CAMKK2: variants seen among roughly 807,000 people sequenced by gnomAD.
CAMKK2 encodes calcium/calmodulin dependent protein kinase kinase 2.
A neutral mutation model predicts 67.2 loss-of-function variants in CAMKK2; 30 were observed. The observed-to-expected ratio is 0.45, with a 90% CI of 0.33 to 0.61. The LOEUF (loss-of-function observed/expected upper bound fraction) is 0.61. CAMKK2 is among the 20% of genes least tolerant of loss of function. The pLI, the probability that CAMKK2 is intolerant of heterozygous loss-of-function variation, is 0.02. For synonymous variants in CAMKK2, 322 were observed against 326.2 expected, an observed-to-expected ratio of 0.99 and a Z score of 0.14; for missense variants, 643 against 802.0, an observed-to-expected ratio of 0.80 and a Z score of 2.39.
rs766855208 is a variant in CAMKK2, at chr12:121,240,856, C to T, written c.1610G>A (p.Arg537Gln). Residue 537 changes from arginine to glutamine, a missense_variant, in exon 17 of 17, where the codon CGA (arginine) becomes CAA (glutamine). Arg to Gln is a conservative substitution (Grantham distance 43). This residue lies in a region of CAMKK2 where 140 missense variants were observed against 124.2 expected (regional missense o/e 1.13). Transcript: ENST00000404169. The surrounding 1 kb of genome is among the most constrained non-coding windows in gnomAD (Gnocchi z 4.4). ...SLSELKEARQ[R>Q]RQPPGHRPAP... ...GGGTCGGTGCCCTGGAGGTTGTCTT[C>T]GCTGCCTTGCTTCCTGCTCACCGAA... The T allele has an allele frequency of 6.2e-6, 10 of 1,612,496 alleles. No homozygotes were observed. Among genetic ancestry groups the T allele is most frequent in the East Asian group, 2.2e-5 (1 of 44,848 alleles).
chr12:121,254,684 G>C (rs1386423551), intron 9 of CAMKK2, among the ~76,000 whole-genome samples: 1 of 152,164 alleles, frequency 6.6e-6, no homozygotes, highest in Non-Finnish European at 1.5e-5. Flanking sequence ...GGTGCACATA[G>C]AAAGTGCTAA....
intron 2 of CAMKK2, among the ~76,000 whole-genome samples, chr12:121,272,564 T>G (rs921560336): frequency 1.3e-5 from 2 of 151,994 alleles, no homozygotes; most frequent in Middle Eastern, 3.2e-3. Context: ...TATAGCCCCT[T>G]CAAAATCAGC....
intron 9 of CAMKK2, among the ~76,000 whole-genome samples, chr12:121,254,258 G>A (rs978114553): frequency 6.6e-6 from 1 of 151,984 alleles, no homozygotes; most frequent in Non-Finnish European, 1.5e-5. Context: ...AGGAGTTCAA[G>A]ACCAGCCTGG....
chr12:121,266,336 T>C (rs1338384854), intron 5 of CAMKK2, among the ~76,000 whole-genome samples: 1 of 151,140 alleles, frequency 6.6e-6, no homozygotes, highest in Non-Finnish European at 1.5e-5. Context: ...GTTATTTTGT[T>C]AAGACAAGAG....
intron 10 of CAMKK2, 59 bp from the exon 11 acceptor site, chr12:121,252,773 A>C: frequency 6.4e-7 from 1 of 1,569,012 alleles, no homozygotes; most frequent in Non-Finnish European, 8.8e-7. Context: ...CCAATCCTCC[A>C]GTTTTCCTTT....
Position 121,296,685 on chromosome 12 carries a change from G to C in CAMKK2, c.-107C>G, listed in dbSNP as rs1281958822. Reference sequence around the variant, plus strand: ...CTCCCGCGCTCTGCGCCCCCAGCTCGGCTCGGCTCGGCTCAGCTTGCTCTG... The same window carrying C: ...CTCCCGCGCTCTGCGCCCCCAGCTCCGCTCGGCTCGGCTCAGCTTGCTCTG... On this transcript the variant is annotated 5_prime_UTR_variant, in exon 1 of 17. Transcript: ENST00000404169. The surrounding 1 kb of genome is among the most constrained non-coding windows in gnomAD (Gnocchi z 7.1). The C allele has an allele frequency of 6.7e-6, 1 of 149,410 alleles. No individual in the cohort carries two copies. The highest frequency in any genetic ancestry group is 2.0e-4 in the East Asian group (1 of 5,120). The allele number at this position is 149,410 out of a possible 1,614,324, so 9.3% of individuals were successfully genotyped here.
chr12:121,296,808 G>T (rs1901368257), upstream of CAMKK2: 1 of 143,928 alleles, frequency 6.9e-6, no homozygotes, highest in Non-Finnish European at 1.5e-5. The surrounding 1 kb of genome is among the most constrained non-coding windows in gnomAD (Gnocchi z 7.1). Context: ...TCGCCGCCCC[G>T]GGCAGCGCGG....
Position 121,270,940 on chromosome 12 carries a change from A to G in CAMKK2, c.477T>C (p.Cys159=), listed in dbSNP as rs151316894. Residue 159 remains cysteine, a synonymous_variant, in exon 3 of 17, where the codon TGT becomes TGC. Transcript: ENST00000404169. ...HHVSITGMQD[C]VQLNQYTLKD... The stretch of plus-strand genomic sequence containing the variant: ...TCAGGGTATACTGATTCAGCTGCAC[A>G]CAGTCCTAGAGAGTAAGGAGAGACA... 3.4e-5 allele frequency: 55 copies of G among 1,613,304 alleles called. No individual in the cohort carries two copies. The African/African-American group carries it at 6.9e-4, about 20-fold the overall frequency.
At chr12:121,265,021 C>T (rs1328030575) in intron 5 of CAMKK2, among the ~76,000 whole-genome samples, 1 of 151,512 alleles carries the variant, frequency 6.6e-6, no homozygotes, top group Admixed American at 6.6e-5. Context: ...TAAAATGAAG[C>T]CAGGGAGAAG....
At chr12:121,248,219 C>G (rs770128671) in intron 14 of CAMKK2, among the ~76,000 whole-genome samples, 1 of 152,218 alleles carries the variant, frequency 6.6e-6, no homozygotes, top group Non-Finnish European at 1.5e-5. Flanking sequence ...GCTGCCCACA[C>G]AGCAGACGTG....
rs199749068 is a variant in CAMKK2, at chr12:121,240,665, G to T, written c.*34C>A. 11 of 1,558,224 alleles carry T rather than the reference G, an allele frequency of 7.1e-6. No homozygotes were observed. The East Asian group carries it at 2.6e-4, about 37-fold the overall frequency. On this transcript the variant is annotated 3_prime_UTR_variant, in exon 17 of 17. Transcript: ENST00000404169. This position sits in a 1 kb window ranked among gnomAD's most constrained non-coding sequence, Gnocchi z 4.4. ...GGTGCAGCAGCCCCCCAGAGGCGAC[G>T]CGGCGCGCATGCGAGGTCGAGCGAT...
Position 121,245,386 on chromosome 12 carries a change from A to T in CAMKK2, c.1453-146T>A. On this transcript the variant is annotated intron_variant, in intron 14 of 16. Transcript: ENST00000404169. This position sits in a 1 kb window ranked among gnomAD's most constrained non-coding sequence, Gnocchi z 5.8. The stretch of plus-strand genomic sequence containing the variant: ...TGGCAGACTTTGAGAGAAACTGGGC[A>T]GCACCACCCCGCAACCAACCCCCGC... 1 of 632,176 alleles carries T rather than the reference A, an allele frequency of 1.6e-6. No individual in the cohort carries two copies. The highest frequency in any genetic ancestry group is 1.8e-5 in the South Asian group (1 of 56,170). 39.2% of individuals were successfully genotyped at this position (632,176 alleles called of 1,614,324 possible). A position where few individuals can be genotyped will look rare whatever the true frequency, so the allele number is the denominator to read the frequency against.
intron 1 of CAMKK2, among the ~76,000 whole-genome samples, chr12:121,293,854 G>T (rs745722062): frequency 6.6e-6 from 1 of 152,096 alleles, no homozygotes; most frequent in Admixed American, 6.6e-5. Context: ...GTGCTCCTTC[G>T]ATCACAACAG....
chr12:121,296,928 G>C (rs1050689299), upstream of CAMKK2, among the ~76,000 whole-genome samples: 29 of 151,834 alleles, frequency 1.9e-4, no homozygotes, highest in African/African-American at 7.0e-4. The surrounding 1 kb of genome is among the most constrained non-coding windows in gnomAD (Gnocchi z 7.1). Flanking sequence ...GGGGTGGGGA[G>C]GCGGGAGCCT....
At chr12:121,276,352 C>T (rs1389920556) in intron 1 of CAMKK2, among the ~76,000 whole-genome samples, 1 of 151,712 alleles carries the variant, frequency 6.6e-6, no homozygotes, top group Non-Finnish European at 1.5e-5. Context: ...CCTGTAATCC[C>T]AGCTACTCGG....
chr12:121,245,253 A>G lies in CAMKK2; in HGVS notation c.1453-13T>C. On this transcript the variant is annotated splice_polypyrimidine_tract_variant and intron_variant, in intron 14 of 16. Transcript: ENST00000404169. This position sits in a 1 kb window ranked among gnomAD's most constrained non-coding sequence, Gnocchi z 5.8. ...TCTTCACCAGGATCTGAAGAGGGAG[A>G]AAAGAGGAGGTGGCAGGCAACTGCT... is the stretch of plus-strand genomic sequence containing the variant. 3 of 1,565,382 alleles carry G rather than the reference A, an allele frequency of 1.9e-6. No homozygotes were observed. The highest frequency in any genetic ancestry group is 2.6e-6 in the Non-Finnish European group (3 of 1,144,160).
intron 6 of CAMKK2, chr12:121,260,578 G>A (rs1012249098): frequency 1.6e-5 from 9 of 568,168 alleles, no homozygotes; most frequent in South Asian, 2.3e-5. Flanking sequence ...TCTGATCCTC[G>A]AGGATCTGAA....
At chr12:121,260,285 G>C in intron 7 of CAMKK2, 34 bp downstream of exon 7, 1 of 1,586,896 alleles carries the variant, frequency 6.3e-7, no homozygotes, top group South Asian at 1.2e-5. Context: ...TGTGGTGCCT[G>C]GGTGAGGGTG....
chr12:121,263,029 C>T (rs1026340091), intron 6 of CAMKK2, among the ~76,000 whole-genome samples: 10 of 151,866 alleles, frequency 6.6e-5, no homozygotes, highest in Admixed American at 2.0e-4. Flanking sequence ...AATGCAATGG[C>T]GTGATCTCAG....
Sources: allele counts gnomAD v4.1 joint callset (sites outside exome capture counted in the v4.1 genomes callset), GRCh38; gene constraint gnomAD v4.1.1; regional missense constraint gnomAD v4.1.1; non-coding constraint Gnocchi (gnomAD v3.1); transcripts MANE v1.5; gene names NCBI Gene and HGNC (gene_info 2026-07-23, HGNC 2026-07-21).